The following KATNIP variants were observed in gnomAD, a reference collection of about 807,000 sequenced individuals.
KATNIP encodes katanin-interacting protein.
Under a neutral mutation model 174.0 loss-of-function variants are expected in KATNIP, and 126 were observed. The ratio of observed to expected loss-of-function variants is 0.72; its 90% confidence interval spans 0.63 to 0.84. KATNIP has a LOEUF of 0.84. Among genes scored for constraint, KATNIP ranks in the 40% least tolerant of loss-of-function variants. KATNIP has a pLI of 0.00. For missense variants in KATNIP, 1,958 were observed against 2,109.7 expected, an observed-to-expected ratio of 0.93 and a Z score of 1.41; for synonymous variants, 810 against 835.7, an observed-to-expected ratio of 0.97 and a Z score of 0.53.
intron 8 of KATNIP, among the ~76,000 whole-genome samples, chr16:27,691,508 G>A (rs763948584): frequency 5.3e-5 from 8 of 152,186 alleles, no homozygotes; most frequent in South Asian, 2.1e-4. Flanking sequence ...GCTAGCATTC[G>A]CCCAAGTGAG....
At chr16:27,605,143 G>A (rs1274394866) in intron 2 of KATNIP, among the ~76,000 whole-genome samples, 2 of 152,114 alleles carry the variant, frequency 1.3e-5, no homozygotes, top group African/African-American at 4.8e-5. Context: ...ATGTTGGCCA[G>A]GCTGGTCTCG....
At chr16:27,767,915 C>T (rs2082177200) in intron 20 of KATNIP, among the ~76,000 whole-genome samples, 4 of 152,200 alleles carry the variant, frequency 2.6e-5, no homozygotes, top group South Asian at 2.1e-4. Context: ...CATTAAAAAA[C>T]AGCCTTCTGC....
intron 6 of KATNIP, among the ~76,000 whole-genome samples, chr16:27,654,340 C>T: frequency 6.6e-6 from 1 of 152,186 alleles, no homozygotes; most frequent in East Asian, 1.9e-4. Flanking sequence ...ACTCACTCAA[C>T]TGCCATACAG....
chr16:27,581,708 C>T (rs1567458415), intron 2 of KATNIP, among the ~76,000 whole-genome samples: 1 of 152,170 alleles, frequency 6.6e-6, no homozygotes, highest in Non-Finnish European at 1.5e-5. Context: ...GTATACACTA[C>T]ACCTAATTTG....
intron 1 of KATNIP, among the ~76,000 whole-genome samples, chr16:27,555,491 T>A (rs1173690610): frequency 2.0e-5 from 3 of 152,350 alleles, no homozygotes; most frequent in Middle Eastern, 6.8e-3. Flanking sequence ...TAATGAAGCC[T>A]ACCTTGTTTT....
At chr16:27,775,911 CT>C (rs1470672716) in intron 24 of KATNIP, among the ~76,000 whole-genome samples, 3 of 152,194 alleles carry the variant, frequency 2.0e-5, no homozygotes, top group East Asian at 3.8e-4. Context: ...TAGACCCCCC[CT>C]ATTGAGCGTC....
chr16:27,714,389 T>C (rs1038123799), intron 13 of KATNIP, among the ~76,000 whole-genome samples: 1 of 152,180 alleles, frequency 6.6e-6, no homozygotes, highest in South Asian at 2.1e-4. Context: ...AACAGAAACA[T>C]AGCTTACAGT....
intron 8 of KATNIP, among the ~76,000 whole-genome samples, chr16:27,683,861 G>A (rs541830713): frequency 1.3e-5 from 2 of 152,092 alleles, no homozygotes; most frequent in Non-Finnish European, 2.9e-5. Context: ...AGTCTATCCT[G>A]CTGGTACTGT....
chr16:27,777,770 G>A lies in KATNIP; in HGVS notation c.4712G>A (p.Ser1571Asn). The A allele has an allele frequency of 4.3e-6, 7 of 1,613,516 alleles. No homozygotes were observed. Among genetic ancestry groups the A allele is most frequent in the Non-Finnish European group, 5.9e-6 (7 of 1,179,650 alleles). The change falls in exon 26 of 28, where the codon AGT becomes AAT. Residue 1571 changes from serine to asparagine, a missense_variant and splice_region_variant. By Grantham distance (46) the Ser-to-Asn change is conservative (BLOSUM62 1). Coordinates refer to ENST00000261588, the MANE Select transcript of KATNIP (RefSeq NM_015202.5). The surrounding 1 kb of genome is among the most constrained non-coding windows in gnomAD (Gnocchi z 4.4). ...IRHQEKHTTISNQAEDQDVQM... is the reference protein window; with the variant it reads ...IRHQEKHTTINNQAEDQDVQM... Reference sequence around the variant, plus strand: ...CACCAGGAGAAACACACCACCATCAGGTAGGGCCCCAGCCGGCCCCATGGC... The same window carrying A: ...CACCAGGAGAAACACACCACCATCAAGTAGGGCCCCAGCCGGCCCCATGGC...
At position 27,740,894 on chromosome 16, in the gene KATNIP, A is replaced by G. The variant is rs1275278473; in HGVS notation, c.2597A>G (p.His866Arg). ...AGGAAGGATGCTGGCAGCAGTAGTCATGGGGACGACCAGCCAGCCAGCAGA... is the reference window on the plus strand; with the variant it reads ...AGGAAGGATGCTGGCAGCAGTAGTCGTGGGGACGACCAGCCAGCCAGCAGA... ...GSRKDAGSSSHGDDQPASRED... is the reference protein window; with the variant it reads ...GSRKDAGSSSRGDDQPASRED... Residue 866 changes from histidine to arginine, a missense_variant, in exon 15 of 28, where the codon CAT becomes CGT. His to Arg is a conservative substitution (Grantham distance 29). This residue lies in a region of KATNIP where 1,557 missense variants were observed against 1,617.8 expected (regional missense o/e 0.96). Transcript: ENST00000261588. The G allele has an allele frequency of 1.2e-6, 2 of 1,602,070 alleles. No homozygotes were observed. Among genetic ancestry groups the G allele is most frequent in the Non-Finnish European group, 1.7e-6 (2 of 1,174,842 alleles).
chr16:27,646,144 A>G (rs2076950544), intron 5 of KATNIP, among the ~76,000 whole-genome samples: 1 of 152,178 alleles, frequency 6.6e-6, no homozygotes, highest in East Asian at 1.9e-4. Flanking sequence ...TCCTCTTCAC[A>G]CTGGTGTAAG....
chr16:27,726,964 T>C (rs1033118533), intron 14 of KATNIP, among the ~76,000 whole-genome samples: 1 of 152,180 alleles, frequency 6.6e-6, no homozygotes. Context: ...AGGCAGAATA[T>C]AGTATGGTCA....
intron 2 of KATNIP, among the ~76,000 whole-genome samples, chr16:27,603,361 C>G (rs146816495): frequency 1.4e-3 from 206 of 152,278 alleles, no homozygotes; most frequent in Admixed American, 2.3e-3. Context: ...AAACGATAAA[C>G]TAAATTTTCT....
intron 6 of KATNIP, among the ~76,000 whole-genome samples, chr16:27,661,978 A>G (rs188621326): frequency 1.3e-5 from 1 of 75,104 alleles, no homozygotes; most frequent in Non-Finnish European, 2.4e-5. Context: ...ATATATATAT[A>G]TATATATACA....
chr16:27,741,010 C>G, intron 15 of KATNIP, 90 bp downstream of exon 15: 1 of 1,279,748 alleles, frequency 7.8e-7, no homozygotes, highest in African/African-American at 1.5e-5. Context: ...CCTCAGTTTC[C>G]TTATCTGCAC....
At chr16:27,584,616 C>A (rs1020906719) in intron 2 of KATNIP, among the ~76,000 whole-genome samples, 2 of 151,998 alleles carry the variant, frequency 1.3e-5, no homozygotes, top group South Asian at 4.2e-4. Flanking sequence ...CATGGCAAAA[C>A]CCTGTCTCTA....
intron 23 of KATNIP, among the ~76,000 whole-genome samples, 180 bp downstream of exon 23, chr16:27,773,389 C>T (rs934905484): frequency 1.9e-4 from 29 of 152,224 alleles, no homozygotes; most frequent in African/African-American, 7.0e-4. Flanking sequence ...CAGCTCCCAG[C>T]CCTGCCTGCT....
chr16:27,685,463 A>G (rs1438309682), intron 8 of KATNIP: 1 of 152,188 alleles, frequency 6.6e-6, no homozygotes, highest in Non-Finnish European at 1.5e-5. Context: ...AGATGAAACC[A>G]GGGGGTGAAC....
chr16:27,626,535 C>T (rs2076338354), intron 3 of KATNIP, among the ~76,000 whole-genome samples: 1 of 150,958 alleles, frequency 6.6e-6, no homozygotes, highest in African/African-American at 2.4e-5. Context: ...TTGGTGTAGA[C>T]TCTGGAGCCA....
Sources: allele counts gnomAD v4.1 joint callset (sites outside exome capture counted in the v4.1 genomes callset), GRCh38; gene constraint gnomAD v4.1.1; regional missense constraint gnomAD v4.1.1; non-coding constraint Gnocchi (gnomAD v3.1); transcripts MANE v1.5; gene names NCBI Gene and HGNC (gene_info 2026-07-23, HGNC 2026-07-21).